The following LGALS3BP variants were observed in gnomAD, a reference collection of about 807,000 sequenced individuals.
LGALS3BP encodes galectin-3-binding protein.
Under a neutral mutation model 22.9 loss-of-function variants are expected in LGALS3BP, and 25 were observed. That is an observed-to-expected ratio of 1.09 (90% CI 0.80 to 1.53). The LOEUF is 1.53. Ranked by LOEUF, LGALS3BP falls within the 40% of genes most tolerant of loss-of-function variation. The pLI, the probability that LGALS3BP is intolerant of heterozygous loss-of-function variation, is 0.00. For missense variants in LGALS3BP, 718 were observed against 752.0 expected, an observed-to-expected ratio of 0.95 and a Z score of 0.53; for synonymous variants, 335 against 331.1, an observed-to-expected ratio of 1.01 and a Z score of -0.13.
rs568417328 is a variant in LGALS3BP at position 78,976,829 on chromosome 17, C to T, written c.52+311G>A. ...ACCCTCTGGAAGACTGACCTGCGTC[C>T]AAGGCCACTGACCTCACAACGGCCC... On this transcript the variant is annotated intron_variant, in intron 2 of 5. Transcript: ENST00000262776. This position sits in a 1 kb window ranked among gnomAD's most constrained non-coding sequence, Gnocchi z 4.6. The T allele has an allele frequency of 1.8e-4, 73 of 394,992 alleles. 1 individual carries two copies. The highest frequency in any genetic ancestry group is 3.0e-4 in the Non-Finnish European group (64 of 215,768). The allele number at this position is 394,992 out of a possible 1,614,324, so 24.5% of individuals were successfully genotyped here. A position where few individuals can be genotyped will look rare whatever the true frequency, so the allele number is the denominator to read the frequency against.
chr17:78,978,520 G>A (rs539351466), intron 1 of LGALS3BP, among the ~76,000 whole-genome samples: 6 of 152,360 alleles, frequency 3.9e-5, no homozygotes, highest in Middle Eastern at 3.4e-3. Flanking sequence ...GGGTCTGCTC[G>A]GGGGAGCCCA....
At chr17:78,975,537 C>T (rs1474232159) in intron 3 of LGALS3BP, among the ~76,000 whole-genome samples, 2 of 152,108 alleles carry the variant, frequency 1.3e-5, no homozygotes, top group East Asian at 1.9e-4. Context: ...GTGTGGTAAT[C>T]CCAGCACTTT....
intron 1 of LGALS3BP, chr17:78,977,516 A>G: frequency 6.2e-6 from 2 of 323,616 alleles, no homozygotes; most frequent in Non-Finnish European, 5.7e-6. Context: ...GAGGCAAGTG[A>G]GCTCATCTCA....
Position 78,976,958 on chromosome 17 carries a change from C to T in LGALS3BP, c.52+182G>A, listed in dbSNP as rs1394689388. 3 of 638,932 alleles carry T rather than the reference C, an allele frequency of 4.7e-6. No individual in the cohort carries two copies. Among genetic ancestry groups the T allele is most frequent in the East Asian group, 5.5e-5 (2 of 36,066 alleles). 39.6% of individuals were successfully genotyped at this position (638,932 alleles called of 1,614,324 possible). A position where few individuals can be genotyped will look rare whatever the true frequency, so the allele number is the denominator to read the frequency against. On this transcript the variant is annotated intron_variant, in intron 2 of 5. Transcript: ENST00000262776. The surrounding 1 kb of genome is among the most constrained non-coding windows in gnomAD (Gnocchi z 4.6). ...TGCATCTCACCTGAACCCAGGTGAGCCCCCGGGAACCTCCAAGTCATCATC... is the reference window on the plus strand; with the variant it reads ...TGCATCTCACCTGAACCCAGGTGAGTCCCCGGGAACCTCCAAGTCATCATC...
In LGALS3BP at chr17:78,972,353, G is replaced by A; in HGVS notation, c.981C>T (p.Thr327=). 1 of 1,613,504 alleles carries A rather than the reference G, an allele frequency of 6.2e-7. No homozygotes were observed. Among genetic ancestry groups the A allele is most frequent in the Non-Finnish European group, 8.5e-7 (1 of 1,180,030 alleles). Residue 327 remains threonine (T), a synonymous_variant, in exon 6 of 6, where the codon ACC becomes ACT. Coordinates refer to ENST00000262776, the MANE Select transcript of LGALS3BP (RefSeq NM_005567.4). This position sits in a 1 kb window ranked among gnomAD's most constrained non-coding sequence, Gnocchi z 5.1. ...GGGAGGCACGCTCCCCCCAGCTCCAGGTGTCCACGGCCTTCAGTAGGGCCA... is the reference window on the plus strand; with the variant it reads ...GGGAGGCACGCTCCCCCCAGCTCCAAGTGTCCACGGCCTTCAGTAGGGCCA... ...SELALLKAVD[T]WSWGERASHE...
chr17:78,971,659 A>G lies in LGALS3BP; in HGVS notation c.1675T>C (p.Phe559Leu), dbSNP rs2070671583. ...TTGAAGTGCCCTGCCGGGCAGGGGAAGGAGGAGGTGCTCTTCGAGCTGTTG... is the reference window on the plus strand; with the variant it reads ...TTGAAGTGCCCTGCCGGGCAGGGGAGGGAGGAGGTGCTCTTCGAGCTGTTG... ...DTNSSKSTSSFPCPAGHFNGF... is the reference protein window; with the variant it reads ...DTNSSKSTSSLPCPAGHFNGF... The change falls in exon 6 of 6, where the codon TTC (phenylalanine) becomes CTC (leucine). Residue 559 changes from phenylalanine (F) to leucine (L), a missense_variant. Physicochemically the swap from Phe to Leu is conservative, Grantham distance 22 (BLOSUM62 0). Coordinates refer to ENST00000262776, the MANE Select transcript of LGALS3BP (RefSeq NM_005567.4). This position sits in a 1 kb window ranked among gnomAD's most constrained non-coding sequence, Gnocchi z 5.6. 6.2e-7 allele frequency: 1 copy of G among 1,613,746 alleles called. No individual in the cohort carries two copies. Among genetic ancestry groups the G allele is most frequent in the East Asian group, 2.2e-5 (1 of 44,864 alleles).
In LGALS3BP at chr17:78,971,676, G is replaced by A. The variant is rs143986382; in HGVS notation, c.1658C>T (p.Ser553Leu). ...GCAGGGGAAGGAGGAGGTGCTCTTC[G>A]AGCTGTTGGTGTCCAGGGCACTGGG... is the stretch of plus-strand genomic sequence containing the variant. ...AIPSALDTNSSKSTSSFPCPA... is the reference protein window; with the variant it reads ...AIPSALDTNSLKSTSSFPCPA... The change falls in exon 6 of 6, where the codon TCG becomes TTG. Residue 553 changes from serine (S) to leucine (L), a missense_variant. Transcript: ENST00000262776. The surrounding 1 kb of genome is among the most constrained non-coding windows in gnomAD (Gnocchi z 5.6). The A allele has an allele frequency of 1.9e-6, 3 of 1,613,826 alleles. No homozygotes were observed. Among genetic ancestry groups the A allele is most frequent in the Non-Finnish European group, 2.5e-6 (3 of 1,180,008 alleles).
chr17:78,974,701 C>T lies in LGALS3BP; in HGVS notation c.363G>A (p.Val121=). The change falls in exon 4 of 6, where the codon GTG becomes GTA. Residue 121 remains valine (V), a synonymous_variant. Transcript: ENST00000262776. The part of the protein sequence containing the change: ...SNCRHERDAG[V]VCTNETRSTH... ...GCCCCCGCTCACCATTGGTGCAGAC[C>T]ACACCAGCGTCTCTCTCGTGCCTGC... 6.2e-7 allele frequency: 1 copy of T among 1,613,486 alleles called. No homozygotes were observed. Among genetic ancestry groups the T allele is most frequent in the Non-Finnish European group, 8.5e-7 (1 of 1,179,974 alleles).
At chr17:78,978,203 G>A (rs1045120771) in intron 1 of LGALS3BP, among the ~76,000 whole-genome samples, 3 of 152,204 alleles carry the variant, frequency 2.0e-5, no homozygotes, top group Non-Finnish European at 2.9e-5. Context: ...GTGGACGGCT[G>A]CAATGGCATC....
In LGALS3BP at chr17:78,972,241, G is replaced by A; in HGVS notation, c.1093C>T (p.Leu365=). ...ELFELQFNLS[L]YWSHEALFQK... is the part of the protein sequence containing the mutation. ...AACAGGGCCTCGTGGCTCCAGTACA[G>A]GGACAGGTTGAACTGCAGCTCAAAG... Residue 365 remains leucine (L), a synonymous_variant, in exon 6 of 6, where the codon CTG becomes TTG. Transcript: ENST00000262776. The surrounding 1 kb of genome is among the most constrained non-coding windows in gnomAD (Gnocchi z 5.1). 1.2e-6 allele frequency: 2 copies of A among 1,613,846 alleles called. No individual in the cohort carries two copies. Among genetic ancestry groups the A allele is most frequent in the Non-Finnish European group, 1.7e-6 (2 of 1,180,014 alleles).
In LGALS3BP at chr17:78,976,105, C is replaced by T. The variant is rs1278396099; in HGVS notation, c.104G>A (p.Gly35Asp). ...GCCTCTGTAGAAGATCTCCACGCGG[C>T]CCTGGTTGGTGGCGCCCCCATCGGC... ...RLADGGATNQ[G>D]RVEIFYRGQW... The change falls in exon 3 of 6, where the codon GGC becomes GAC. Residue 35 changes from glycine (G) to aspartate (D), a missense_variant. Physicochemically the swap from Gly to Asp is moderately conservative, Grantham distance 94 (BLOSUM62 -1). Coordinates refer to ENST00000262776, the MANE Select transcript of LGALS3BP (RefSeq NM_005567.4). This position sits in a 1 kb window ranked among gnomAD's most constrained non-coding sequence, Gnocchi z 4.6. 1 of 1,603,552 alleles carries T rather than the reference C, an allele frequency of 6.2e-7. No homozygotes were observed. The highest frequency in any genetic ancestry group is 8.5e-7 in the Non-Finnish European group (1 of 1,175,810).
Position 78,972,490 on chromosome 17 carries a change from A to C in LGALS3BP, c.844T>G (p.Phe282Val), listed in dbSNP as rs765318272. The part of the protein sequence containing the change: ...DALLEKLCLQ[F>V]LAWNFEALTQ... ...AAGGCCTCGAAGTTCCAGGCCAGGA[A>C]CTGTAGGCAGAGCTTCTCCAGCAGG... is the stretch of plus-strand genomic sequence containing the variant. The change falls in exon 6 of 6, where the codon TTC (phenylalanine) becomes GTC (valine). Residue 282 changes from phenylalanine to valine, a missense_variant. By Grantham distance (50) the Phe-to-Val change is conservative (BLOSUM62 -1). Transcript: ENST00000262776. The surrounding 1 kb of genome is among the most constrained non-coding windows in gnomAD (Gnocchi z 5.1). 1.9e-6 allele frequency: 3 copies of C among 1,613,308 alleles called. No individual in the cohort carries two copies. In the East Asian group the frequency reaches 6.7e-5, roughly 36 times the overall value.
At position 78,978,302 on chromosome 17, in the gene LGALS3BP, G is replaced by C. The variant is rs572532027; in HGVS notation, c.-23-1088C>G. ...GCATGAACAAGCGCCCTGGGAGCTG[G>C]GTGCACTGGCTGGTGAGCAGCTTTG... On this transcript the variant is annotated intron_variant, in intron 1 of 5. Coordinates refer to ENST00000262776, the MANE Select transcript of LGALS3BP (RefSeq NM_005567.4). 9.8e-5 allele frequency among the ~76,000 whole-genome samples: 15 copies of C among 152,342 alleles called. No individual in the cohort carries two copies. In the East Asian group the frequency reaches 2.7e-3, roughly 27 times the overall value.
rs2070695315 is a variant in LGALS3BP at position 78,973,700 on chromosome 17, TG to T, written c.377-479del. Among the ~76,000 whole-genome samples, 2 of 152,200 alleles carry T rather than the reference TG, an allele frequency of 1.3e-5. No homozygotes were observed. On this transcript the variant is annotated intron_variant, in intron 4 of 5. Transcript: ENST00000262776. The surrounding 1 kb of genome is among the most constrained non-coding windows in gnomAD (Gnocchi z 5.8). ...TCGGGGAGAAGGCCTGCAGAAGTCATGGGAGGCTCCCGGCTCGGGGGTCAGT... is the reference window on the plus strand; with the variant it reads ...TCGGGGAGAAGGCCTGCAGAAGTCATGGAGGCTCCCGGCTCGGGGGTCAGT...
Position 78,971,794 on chromosome 17 carries a change from G to A in LGALS3BP, c.1540C>T (p.Arg514Cys), listed in dbSNP as rs781641461. ...LGLTKSGGSDRTIAYENKALM... is the reference protein window; with the variant it reads ...LGLTKSGGSDCTIAYENKALM... Reference sequence around the variant, plus strand: ...GCTTTGTTTTCGTAGGCAATGGTGCGATCTGAGCCGCCAGACTTGGTGAGG... The same window carrying A: ...GCTTTGTTTTCGTAGGCAATGGTGCAATCTGAGCCGCCAGACTTGGTGAGG... Residue 514 changes from arginine to cysteine, a missense_variant, in exon 6 of 6, where the codon CGC (arginine) becomes TGC (cysteine). Coordinates refer to ENST00000262776, the MANE Select transcript of LGALS3BP (RefSeq NM_005567.4). The surrounding 1 kb of genome is among the most constrained non-coding windows in gnomAD (Gnocchi z 5.6). The A allele has an allele frequency of 4.3e-6, 7 of 1,614,092 alleles. No homozygotes were observed. In the East Asian group the frequency reaches 6.7e-5, roughly 15 times the overall value.
At position 78,973,683 on chromosome 17, in the gene LGALS3BP, A is replaced by G. The variant is rs887225089; in HGVS notation, c.377-461T>C. On this transcript the variant is annotated intron_variant, in intron 4 of 5. Transcript: ENST00000262776. This position sits in a 1 kb window ranked among gnomAD's most constrained non-coding sequence, Gnocchi z 5.8. ...CCTCGAGCAGCTTCCTGTCGGGGAG[A>G]AGGCCTGCAGAAGTCATGGGAGGCT... is the stretch of plus-strand genomic sequence containing the variant. 6.6e-6 allele frequency among the ~76,000 whole-genome samples: 1 copy of G among 152,004 alleles called. No homozygotes were observed. The highest frequency in any genetic ancestry group is 6.6e-5 in the Admixed American group (1 of 15,266).
rs1241584530 is a variant in LGALS3BP at position 78,976,206 on chromosome 17, G to T, written c.53-50C>A. On this transcript the variant is annotated intron_variant, in intron 2 of 5. Transcript: ENST00000262776. The surrounding 1 kb of genome is among the most constrained non-coding windows in gnomAD (Gnocchi z 4.6). ...GAGGCTGGGGCCTGCAGCACCCACC[G>T]CCCACACCTCCAGGCCCCATATGCT... The T allele has an allele frequency of 1.4e-6, 2 of 1,464,346 alleles. No homozygotes were observed. The highest frequency in any genetic ancestry group is 1.8e-6 in the Non-Finnish European group (2 of 1,092,330). The allele number at this position is 1,464,346 out of a possible 1,614,324, so 90.7% of individuals were successfully genotyped here.
At chr17:78,975,758 C>T (rs186304689) in intron 3 of LGALS3BP, among the ~76,000 whole-genome samples, 201 of 124,020 alleles carry the variant, frequency 1.6e-3, no homozygotes, top group African/African-American at 5.7e-3. Context: ...TGCCACTGCA[C>T]TCCAGCCTGG....
At position 78,974,908 on chromosome 17, in the gene LGALS3BP, G is replaced by A. The variant is rs151313350; in HGVS notation, c.245-89C>T. 6,128 of 1,520,762 alleles carry A rather than the reference G, an allele frequency of 4.0e-3. 19 individuals carry two copies. Among genetic ancestry groups the A allele is most frequent in the Non-Finnish European group, 5.1e-3 (5,724 of 1,120,362 alleles). 94.2% of individuals were successfully genotyped at this position (1,520,762 alleles called of 1,614,324 possible). A position where few individuals can be genotyped will look rare whatever the true frequency, so the allele number is the denominator to read the frequency against. ...GACTCAGCCCTTTGTTCTCCGCCCC[G>A]GCCGTGTGGGTCCATCTGCTTACAG... On this transcript the variant is annotated intron_variant, in intron 3 of 5. Coordinates refer to ENST00000262776, the MANE Select transcript of LGALS3BP (RefSeq NM_005567.4).
Sources: allele counts gnomAD v4.1 joint callset (sites outside exome capture counted in the v4.1 genomes callset), GRCh38; gene constraint gnomAD v4.1.1; non-coding constraint Gnocchi (gnomAD v3.1); transcripts MANE v1.5; gene names NCBI Gene and HGNC (gene_info 2026-07-23, HGNC 2026-07-21).